The following BAIAP2L2 variants were observed in gnomAD, a reference collection of about 807,000 sequenced individuals.
The protein encoded by BAIAP2L2 is BAR/IMD domain-containing adapter protein 2-like 2.
BAIAP2L2 carries 65 observed loss-of-function variants against 60.4 expected under a neutral mutation model. The observed-to-expected ratio is 1.08, with a 90% CI of 0.88 to 1.32. The LOEUF is 1.32. Among genes scored for constraint, BAIAP2L2 ranks in the 40% most tolerant of loss-of-function variants. The pLI, the probability that BAIAP2L2 is intolerant of heterozygous loss-of-function variation, is 0.00. For synonymous variants in BAIAP2L2, 344 were observed against 301.7 expected (o/e 1.14, Z -1.45); for missense variants, 836 against 741.2 (o/e 1.13, Z -1.48).
intron 11 of BAIAP2L2, 141 bp from the exon 12 acceptor site, chr22:38,086,590 A>C: frequency 1.5e-6 from 1 of 667,858 alleles, no homozygotes; most frequent in Non-Finnish European, 2.5e-6. Context: ...TGTTGACCGG[A>C]GGGAGGTCCT....
At position 38,109,346 on chromosome 22, in the gene BAIAP2L2, T is replaced by G. The variant is rs1364340933; in HGVS notation, c.52-138A>C. 5.9e-6 allele frequency: 4 copies of G among 676,208 alleles called. No homozygotes were observed. In the East Asian group the frequency reaches 1.1e-4, roughly 18 times the overall value. 41.9% of individuals were successfully genotyped at this position (676,208 alleles called of 1,614,324 possible). A position where few individuals can be genotyped will look rare whatever the true frequency, so the allele number is the denominator to read the frequency against. ...GAAGCCCCAGACTTTGGGGGGCCCA[T>G]CTACAAACCTAGGCTCACCCAGAAT... On this transcript the variant is annotated intron_variant, in intron 1 of 13. Coordinates refer to ENST00000381669, the MANE Select transcript of BAIAP2L2 (RefSeq NM_025045.6).
At chr22:38,102,203 G>A (rs1235308163) in intron 4 of BAIAP2L2, among the ~76,000 whole-genome samples, 2 of 152,172 alleles carry the variant, frequency 1.3e-5, no homozygotes, top group African/African-American at 2.4e-5. Flanking sequence ...TGGAGTAGTC[G>A]AGCCTCTAGG....
Position 38,086,262 on chromosome 22 carries a change from C to A in BAIAP2L2, c.1447G>T (p.Ala483Ser). 6.2e-7 allele frequency: 1 copy of A among 1,611,756 alleles called. No homozygotes were observed. Among genetic ancestry groups the A allele is most frequent in the Non-Finnish European group, 8.5e-7 (1 of 1,179,648 alleles). Reference sequence around the variant, plus strand: ...CTCACCTTGACGTCAGTGGCAACTGCTGTGCTGCCCATGCTGCTGCGGCGG... The same window carrying A: ...CTCACCTTGACGTCAGTGGCAACTGATGTGCTGCCCATGCTGCTGCGGCGG... ...SSRRSSMGST[A>S]VATDVKKLMS... The change falls in exon 12 of 14, where the codon GCA becomes TCA. Residue 483 changes from alanine (A) to serine (S), a missense_variant. Transcript: ENST00000381669.
At chr22:38,096,560 C>G (rs1181006500) in intron 7 of BAIAP2L2, among the ~76,000 whole-genome samples, 1 of 152,146 alleles carries the variant, frequency 6.6e-6, no homozygotes, top group Non-Finnish European at 1.5e-5. Flanking sequence ...GAGGCTGAGG[C>G]AGGAGAATCG....
chr22:38,087,144 G>A lies in BAIAP2L2; in HGVS notation c.1239C>T (p.Pro413=), dbSNP rs777407209. Residue 413 remains proline (P), a synonymous_variant, in exon 11 of 14, where the codon CCC becomes CCT. Coordinates refer to ENST00000381669, the MANE Select transcript of BAIAP2L2 (RefSeq NM_025045.6). The part of the protein sequence containing the change: ...TSMSPMTPMN[P]GNELPSRSYP... ...GGTACCTGGAAGGCAGCTCGTTCCC[G>A]GGGTTCATGGGTGTCATGGGGGACA... The A allele has an allele frequency of 2.6e-5, 41 of 1,587,138 alleles. No homozygotes were observed. The highest frequency in any genetic ancestry group is 1.7e-4 in the Middle Eastern group (1 of 5,996).
chr22:38,087,890 A>C (rs1254388785), intron 10 of BAIAP2L2, among the ~76,000 whole-genome samples: 384 of 115,800 alleles, frequency 3.3e-3, no homozygotes, highest in Admixed American at 6.7e-3. Flanking sequence ...CCAGTCAGTG[A>C]CCCCCCCCCC....
rs1159134753 is a variant in BAIAP2L2 at position 38,093,268 on chromosome 22, T to G, written c.613-3594A>C. 9.9e-5 allele frequency among the ~76,000 whole-genome samples: 15 copies of G among 152,220 alleles called. 1 individual carries two copies. Among genetic ancestry groups the G allele is most frequent in the Admixed American group, 9.8e-4 (15 of 15,282 alleles). Reference sequence around the variant, plus strand: ...GCCTTCTGCCATGATTGTAAGCTTCTAGAGGCTTCGCCAGGAGCAGATGCG... The same window carrying G: ...GCCTTCTGCCATGATTGTAAGCTTCGAGAGGCTTCGCCAGGAGCAGATGCG... On this transcript the variant is annotated intron_variant, in intron 7 of 13. Transcript: ENST00000381669.
At chr22:38,089,270 GGGGGGGGGC>G (rs2086210579) in intron 8 of BAIAP2L2, 39 bp from the exon 9 acceptor site, 2 of 178,820 alleles carry the variant, frequency 1.1e-5, no homozygotes, top group East Asian at 1.0e-4. Context: ...GGGCGGGGGG[GGGGGGGGGC>G]GGGGCCGCGC....
chr22:38,086,575 G>C (rs2086080710), intron 11 of BAIAP2L2, 126 bp from the exon 12 acceptor site: 1 of 715,480 alleles, frequency 1.4e-6, no homozygotes, highest in Non-Finnish European at 2.3e-6. Flanking sequence ...TGCATGAAAG[G>C]AGACTGTTGA....
intron 1 of BAIAP2L2, 60 bp downstream of exon 1, chr22:38,110,414 GC>G: frequency 6.5e-7 from 1 of 1,530,758 alleles, no homozygotes; most frequent in Non-Finnish European, 9.0e-7. Flanking sequence ...TCCAGAGCGG[GC>G]CTGATTTCTG....
chr22:38,089,671 G>A lies in BAIAP2L2; in HGVS notation c.616C>T (p.Arg206Trp), dbSNP rs1044325960. The change falls in exon 8 of 14, where the codon CGG (arginine) becomes TGG (tryptophan). Residue 206 changes from arginine to tryptophan, a missense_variant. Arg to Trp is a moderately radical substitution (Grantham distance 101). Transcript: ENST00000381669. Reference protein sequence around the residue: ...NTFLQFFGRARGMLQNRVLLW... With the variant: ...NTFLQFFGRAWGMLQNRVLLW... Reference sequence around the variant, plus strand: ...AGCACGCGGTTCTGGAGCATCCCCCGGGCCTGGCCGGGCGGGGACACGGGG... The same window carrying A: ...AGCACGCGGTTCTGGAGCATCCCCCAGGCCTGGCCGGGCGGGGACACGGGG... 3 of 1,230,338 alleles carry A rather than the reference G, an allele frequency of 2.4e-6. No individual in the cohort carries two copies. Among genetic ancestry groups the A allele is most frequent in the Non-Finnish European group, 2.0e-6 (2 of 986,978 alleles). The allele number at this position is 1,230,338 out of a possible 1,614,324, so 76.2% of individuals were successfully genotyped here.
chr22:38,095,083 G>GGAGCT lies in BAIAP2L2; in HGVS notation c.612+1948_612+1949insAGCTC, dbSNP rs574660328. ...GGAGAATCACTTGAACCTGGGAGGT[G>GGAGCT]GAGGTTGCAGGGAGCTGAGATTGCG... On this transcript the variant is annotated intron_variant, in intron 7 of 13. Coordinates refer to ENST00000381669, the MANE Select transcript of BAIAP2L2 (RefSeq NM_025045.6). Among the ~76,000 whole-genome samples the GGAGCT allele has an allele frequency of 9.7e-4, 148 of 152,286 alleles. 1 individual carries two copies. Among genetic ancestry groups the GGAGCT allele is most frequent in the Admixed American group, 2.9e-3 (44 of 15,304 alleles).
chr22:38,085,484 T>G (rs2145913013), intron 13 of BAIAP2L2, 109 bp from the exon 14 acceptor site: 2 of 1,337,962 alleles, frequency 1.5e-6, no homozygotes, highest in Non-Finnish European at 2.1e-6. Context: ...CTGCCCCTAT[T>G]TGGTCTCCAT....
At chr22:38,100,923 T>C (rs78661105) in intron 4 of BAIAP2L2, among the ~76,000 whole-genome samples, 1,595 of 152,228 alleles carry the variant, frequency 0.01, 6 homozygotes, top group Non-Finnish European at 0.016. Flanking sequence ...AAAATTCATC[T>C]GCAGAGATAG....
chr22:38,087,316 A>C, intron 10 of BAIAP2L2, 52 bp from the exon 11 acceptor site: 1 of 1,562,512 alleles, frequency 6.4e-7, no homozygotes, highest in Non-Finnish European at 8.6e-7. Flanking sequence ...GCCTGGGGAC[A>C]ATGACCAAAA....
In BAIAP2L2 at chr22:38,088,771, G is replaced by A. The variant is rs528397864; in HGVS notation, c.1095C>T (p.Tyr365=). The A allele has an allele frequency of 3.8e-6, 6 of 1,599,524 alleles. No homozygotes were observed. The highest frequency in any genetic ancestry group is 1.7e-5 in the Admixed American group (1 of 59,798). The change falls in exon 10 of 14, where the codon TAC becomes TAT. Residue 365 remains tyrosine, a synonymous_variant. Transcript: ENST00000381669. ...LVPEAQNGWL[Y]GKLEGSSASG... is the part of the protein sequence containing the mutation. Reference sequence around the variant, plus strand: ...ACGCGGACGAGCCCTCCAGCTTGCCGTAGAGCCAGCCGTTCTGGGCCTCGG... The same window carrying A: ...ACGCGGACGAGCCCTCCAGCTTGCCATAGAGCCAGCCGTTCTGGGCCTCGG...
rs1452625807 is a variant in BAIAP2L2, at chr22:38,085,234, C to G, written c.*66G>C. 4.6e-6 allele frequency: 7 copies of G among 1,529,320 alleles called. No homozygotes were observed. Among genetic ancestry groups the G allele is most frequent in the Admixed American group, 3.5e-5 (2 of 57,912 alleles). 94.7% of individuals were successfully genotyped at this position (1,529,320 alleles called of 1,614,324 possible). Reference sequence around the variant, plus strand: ...GGATCTGCTGCTGTTGCTGCTGTCGCTGCCATTGCCAGCTCTGAACAGCCC... The same window carrying G: ...GGATCTGCTGCTGTTGCTGCTGTCGGTGCCATTGCCAGCTCTGAACAGCCC... On this transcript the variant is annotated 3_prime_UTR_variant, in exon 14 of 14. Transcript: ENST00000381669.
chr22:38,098,092 T>TG lies in BAIAP2L2; in HGVS notation c.435dup (p.Lys146GlnfsTer26). The TG allele has an allele frequency of 6.4e-7, 1 of 1,563,516 alleles. No individual in the cohort carries two copies. The highest frequency in any genetic ancestry group is 8.7e-7 in the Non-Finnish European group (1 of 1,146,614). ...ATCTCCCGCACGTTCTTGTCTCTCT[T>TG]GCGCTCCATGCGCCACAGCTCAGAC... On this transcript the variant is annotated frameshift_variant, in exon 6 of 14. Coordinates refer to ENST00000381669, the MANE Select transcript of BAIAP2L2 (RefSeq NM_025045.6). LOFTEE classifies it high-confidence loss of function.
chr22:38,095,562 G>A (rs1191354348), intron 7 of BAIAP2L2, among the ~76,000 whole-genome samples: 1 of 151,918 alleles, frequency 6.6e-6, no homozygotes, highest in Non-Finnish European at 1.5e-5. Flanking sequence ...ACGGGGTTTC[G>A]CCATGTTGGC....
Sources: gnomAD v4.1 joint callset for allele counts (sites outside exome capture counted in the v4.1 genomes callset) on GRCh38, gnomAD v4.1.1 for gene constraint, MANE v1.5 for transcripts, NCBI Gene and HGNC (gene_info 2026-07-23, HGNC 2026-07-21) for gene names.